Variants in PLAGL1 observed in about 807,000 individuals in gnomAD.
The protein encoded by PLAGL1 is PLAG1 like zinc finger 1, also known as zinc finger protein PLAGL1.
A neutral mutation model predicts 4.6 loss-of-function variants in PLAGL1; 1 was observed. The ratio of observed to expected loss-of-function variants is 0.22; its 90% CI spans 0.08 to 1.03. PLAGL1 has a LOEUF of 1.03. Among genes scored for constraint, PLAGL1 ranks in the 50% least tolerant of loss-of-function variants. The probability of loss-of-function intolerance (pLI) is 0.58; values close to 1 mark genes in which losing one functional copy is unlikely to be tolerated. For missense variants in PLAGL1, 464 were observed against 570.4 expected (o/e 0.81, Z 1.90); for synonymous variants, 240 against 237.8 (o/e 1.01, Z -0.08).
rs7743026 is a variant in PLAGL1 at position 143,962,265 on chromosome 6, G to T, written c.-398-1723C>A. The stretch of plus-strand genomic sequence containing the variant: ...AAAATAACACATCTCAGTTTGACAG[G>T]ATGCTACTTGCAGATTGCTTTTCAG... On this transcript the variant is annotated intron_variant, in intron 5 of 7. Transcript: ENST00000674357. This position sits in a 1 kb window ranked among gnomAD's most constrained non-coding sequence, Gnocchi z 5.3. Among the ~76,000 whole-genome samples the T allele has an allele frequency of 5.8e-3, 885 of 152,322 alleles. 4 individuals are homozygous for T. Among genetic ancestry groups the T allele is most frequent in the African/African-American group, 0.02 (844 of 41,566 alleles).
intron 1 of PLAGL1, among the ~76,000 whole-genome samples, chr6:144,003,653 C>G (rs532402508): frequency 9.4e-5 from 14 of 149,548 alleles, no homozygotes; most frequent in Non-Finnish European, 1.8e-4. Context: ...AATAAATAGG[C>G]AAACTTCAGG....
chr6:144,031,731 C>T (rs1796846878), intron 1 of PLAGL1, among the ~76,000 whole-genome samples: 1 of 152,138 alleles, frequency 6.6e-6, no homozygotes. Flanking sequence ...ATACCAGTAC[C>T]ATGCTGTTTT....
At position 144,056,669 on chromosome 6, in the gene PLAGL1, T is replaced by C. The variant is rs1798998300; in HGVS notation, c.-151+7799A>G. Among the ~76,000 whole-genome samples the C allele has an allele frequency of 6.6e-6, 1 of 152,140 alleles. No homozygotes were observed. The highest frequency in any genetic ancestry group is 1.5e-5 in the Non-Finnish European group (1 of 68,018). ...GGCTTGATAGCTCTTTGTTTTTGTT[T>C]TTGTTTTTTTAAATTTAGACAGGTT... On this transcript the variant is annotated intron_variant, in intron 1 of 3. Coordinates refer to the PLAGL1 transcript ENST00000437412. The surrounding 1 kb of genome is among the most constrained non-coding windows in gnomAD (Gnocchi z 4.7).
intron 1 of PLAGL1, chr6:144,007,512 G>A (rs539805658): frequency 2.6e-5 from 4 of 152,312 alleles, no homozygotes; most frequent in African/African-American, 9.6e-5. Flanking sequence ...AGTATATTCA[G>A]TAAAAGGTAG....
rs944978040 is a variant in PLAGL1 at position 143,957,154 on chromosome 6, CA to C, written c.-325+3314del. 6.6e-6 allele frequency among the ~76,000 whole-genome samples: 1 copy of C among 152,128 alleles called. No homozygotes were observed. Among genetic ancestry groups the C allele is most frequent in the South Asian group, 2.1e-4 (1 of 4,826 alleles). On this transcript the variant is annotated intron_variant, in intron 6 of 7. Transcript: ENST00000674357. This position sits in a 1 kb window ranked among gnomAD's most constrained non-coding sequence, Gnocchi z 4.2. The stretch of plus-strand genomic sequence containing the variant: ...TTGTATTTTTAAATAGAAACAGTCA[CA>C]AAAAAATAGACAAATGTCTACAAGT...
chr6:144,029,349 G>C (rs1433742358), intron 1 of PLAGL1, among the ~76,000 whole-genome samples: 1 of 152,068 alleles, frequency 6.6e-6, no homozygotes, highest in Non-Finnish European at 1.5e-5. Flanking sequence ...CATAAACAAA[G>C]TCAAAAGACA....
rs1785517352 is a variant in PLAGL1 at position 143,972,029 on chromosome 6, T to C, written c.-543-3051A>G. Among the ~76,000 whole-genome samples, 1 of 152,210 alleles carries C rather than the reference T, an allele frequency of 6.6e-6. No individual in the cohort carries two copies. Among genetic ancestry groups the C allele is most frequent in the African/African-American group, 2.4e-5 (1 of 41,468 alleles). The stretch of plus-strand genomic sequence containing the variant: ...AAACTTGCTAAAGCAAAAAAGGGCA[T>C]AATAGTTCTCTGCAGAGGAAGAATT... On this transcript the variant is annotated intron_variant, in intron 2 of 7. Transcript: ENST00000674357. This position sits in a 1 kb window ranked among gnomAD's most constrained non-coding sequence, Gnocchi z 6.8.
At position 144,013,514 on chromosome 6, in the gene PLAGL1, C is replaced by T. The variant is rs1562572893; in HGVS notation, c.-150-44536G>A. 2.0e-5 allele frequency among the ~76,000 whole-genome samples: 3 copies of T among 152,226 alleles called. No individual in the cohort carries two copies. In the South Asian group the frequency reaches 6.2e-4, roughly 32 times the overall value. ...AGCTGCCATAACAAATTACCACAAA[C>T]TGGTGGCATAAAACATGAAATTTAT... On this transcript the variant is annotated intron_variant, in intron 1 of 3. Transcript: ENST00000437412. This position sits in a 1 kb window ranked among gnomAD's most constrained non-coding sequence, Gnocchi z 4.4.
intron 2 of PLAGL1, among the ~76,000 whole-genome samples, chr6:143,977,470 C>CTTTTTTTTTTTTTTTTT (rs34750629): frequency 4.3e-5 from 3 of 69,338 alleles, no homozygotes; most frequent in Non-Finnish European, 7.5e-5. Context: ...TCTTCTTCTT[C>CTTTTTTTTTTTTTTTTT]TTTTTTTTTT....
chr6:144,034,766 C>T lies in PLAGL1; in HGVS notation c.-151+29702G>A, dbSNP rs1285184971. 2.0e-5 allele frequency among the ~76,000 whole-genome samples: 3 copies of T among 152,038 alleles called. No individual in the cohort carries two copies. Among genetic ancestry groups the T allele is most frequent in the African/African-American group, 7.2e-5 (3 of 41,392 alleles). On this transcript the variant is annotated intron_variant, in intron 1 of 3. Transcript: ENST00000437412. This position sits in a 1 kb window ranked among gnomAD's most constrained non-coding sequence, Gnocchi z 4.7. ...TTCCTTGGAGGGGACTGTCATCTTA[C>T]ATAGCTGACAGTAATTTTCAGATTT...
rs530847209 is a variant in PLAGL1 at position 144,048,322 on chromosome 6, G to A, written c.-151+16146C>T. ...GGAGGACAGTGGCCCTCTTCTCACA[G>A]CTCCATTAGGCAGTGCCCCAGTGGG... On this transcript the variant is annotated intron_variant, in intron 1 of 3. Transcript: ENST00000437412. This position sits in a 1 kb window ranked among gnomAD's most constrained non-coding sequence, Gnocchi z 4.8. 2.0e-5 allele frequency among the ~76,000 whole-genome samples: 3 copies of A among 152,304 alleles called. No individual in the cohort carries two copies. In the South Asian group the frequency reaches 6.2e-4, roughly 32 times the overall value.
chr6:144,037,700 A>T (rs1583824427), intron 1 of PLAGL1: 1 of 46,150 alleles, frequency 2.2e-5, no homozygotes, highest in South Asian at 5.6e-4. Context: ...CAACATTATG[A>T]ACTATGTTTT....
chr6:143,947,992 A>G lies in PLAGL1; in HGVS notation c.145T>C (p.Leu49=), dbSNP rs186779775. The G allele has an allele frequency of 5.0e-6, 8 of 1,613,854 alleles. 1 individual carries two copies. The Admixed American group carries it at 5.0e-5, about 10-fold the overall frequency. ...TTTGCCAAAGCCTCTCACCTCATCA[A>G]TTTATATCTGGAAACAAAGGCTTTG... ...CGKAFVSRYK[L]MRHMATHSPQ... The change falls in exon 7 of 8, where the codon TTG becomes CTG. Residue 49 remains leucine (L), a synonymous_variant. Coordinates refer to ENST00000674357, the MANE Select transcript of PLAGL1 (RefSeq NM_001317162.2). The surrounding 1 kb of genome is among the most constrained non-coding windows in gnomAD (Gnocchi z 4.3).
rs1242940820 is a variant in PLAGL1, at chr6:143,955,892, G to C, written c.-325+4577C>G. On this transcript the variant is annotated intron_variant, in intron 6 of 7. Transcript: ENST00000674357. The surrounding 1 kb of genome is among the most constrained non-coding windows in gnomAD (Gnocchi z 4.9). ...AACAGAATAACTGGATTAGGACTGA[G>C]GTTAGGGGAAAGAGGGAATGGTGGT... Among the ~76,000 whole-genome samples, 1 of 152,136 alleles carries C rather than the reference G, an allele frequency of 6.6e-6. No individual in the cohort carries two copies. The highest frequency in any genetic ancestry group is 1.5e-5 in the Non-Finnish European group (1 of 68,038).
At position 143,952,051 on chromosome 6, in the gene PLAGL1, A is replaced by G. The variant is rs142259778; in HGVS notation, c.-324-3591T>C. On this transcript the variant is annotated intron_variant, in intron 6 of 7. Transcript: ENST00000674357. The surrounding 1 kb of genome is among the most constrained non-coding windows in gnomAD (Gnocchi z 6.1). ...AACTTCTGTAAAAACAAGACTGTCT[A>G]CCCCAACAGACTATAAACGCTTTGT... Among the ~76,000 whole-genome samples, 392 of 152,270 alleles carry G rather than the reference A, an allele frequency of 2.6e-3. No individual in the cohort carries two copies. Among genetic ancestry groups the G allele is most frequent in the African/African-American group, 9.1e-3 (379 of 41,560 alleles).
Position 143,982,903 on chromosome 6 carries a change from A to G in PLAGL1, c.-544+2232T>C, listed in dbSNP as rs1017878404. The stretch of plus-strand genomic sequence containing the variant: ...GGTTTGATATGCCTATTAGACATCC[A>G]GCAATTGGATATTTTAATCTGGAGT... On this transcript the variant is annotated intron_variant, in intron 2 of 7. Coordinates refer to ENST00000674357, the MANE Select transcript of PLAGL1 (RefSeq NM_001317162.2). The surrounding 1 kb of genome is among the most constrained non-coding windows in gnomAD (Gnocchi z 5.3). Among the ~76,000 whole-genome samples, 9 of 152,234 alleles carry G rather than the reference A, an allele frequency of 5.9e-5. No homozygotes were observed. Among genetic ancestry groups the G allele is most frequent in the Admixed American group, 5.2e-4 (8 of 15,272 alleles).
At chr6:144,040,520 C>T (rs532798512) in intron 1 of PLAGL1, among the ~76,000 whole-genome samples, 1 of 151,406 alleles carries the variant, frequency 6.6e-6, no homozygotes, top group South Asian at 2.1e-4. Context: ...CAGAGGGAGA[C>T]TCAGTCTCAA....
chr6:144,040,288 G>T (rs1304185914), intron 1 of PLAGL1, among the ~76,000 whole-genome samples: 1 of 151,934 alleles, frequency 6.6e-6, no homozygotes, highest in African/African-American at 2.4e-5. Flanking sequence ...CAGCACTTTG[G>T]GAGGCTGAGG....
In PLAGL1 at chr6:143,961,533, G is replaced by A. The variant is rs915772957; in HGVS notation, c.-398-991C>T. ...CCATTTTGGGACAACTGTTTTTAAC[G>A]TTAATGCATCACAATACAGGAAAAT... On this transcript the variant is annotated intron_variant, in intron 5 of 7. Transcript: ENST00000674357. This position sits in a 1 kb window ranked among gnomAD's most constrained non-coding sequence, Gnocchi z 6.5. The A allele has an allele frequency of 2.0e-5, 3 of 152,172 alleles. No individual in the cohort carries two copies. Among genetic ancestry groups the A allele is most frequent in the Admixed American group, 2.0e-4 (3 of 15,284 alleles). The allele number at this position is 152,172 out of a possible 1,614,324, so 9.4% of individuals were successfully genotyped here. A position where few individuals can be genotyped will look rare whatever the true frequency, so the allele number is the denominator to read the frequency against.
Sources: allele counts gnomAD v4.1 joint callset (sites outside exome capture counted in the v4.1 genomes callset), GRCh38; gene constraint gnomAD v4.1.1; non-coding constraint Gnocchi (gnomAD v3.1); transcripts MANE v1.5; gene names NCBI Gene and HGNC (gene_info 2026-07-23, HGNC 2026-07-21).